The following RGS7 variants were observed in gnomAD, a reference collection of about 807,000 sequenced individuals.
RGS7 encodes the protein regulator of G protein signaling 7.
RGS7 carries 27 observed loss-of-function variants against 81.1 expected under a neutral mutation model. The observed-to-expected ratio is 0.33, with a 90% CI of 0.25 to 0.46. The LOEUF is 0.46. Ranked by LOEUF, RGS7 falls within the 20% of genes least tolerant of loss-of-function variation. RGS7 has a pLI of 1.00. For missense variants in RGS7, 396 were observed against 607.4 expected (o/e 0.65, Z 3.66); for synonymous variants, 208 against 207.7 (o/e 1.00, Z -0.01).
At chr1:240,795,128 G>A (rs2103026789) in intron 18 of RGS7, among the ~76,000 whole-genome samples, 1 of 150,834 alleles carries the variant, frequency 6.6e-6, no homozygotes, top group Admixed American at 6.6e-5. Context: ...AGGTTGCAGT[G>A]AGCCGAGATC....
chr1:241,007,762 A>G (rs1334008195), intron 3 of RGS7, among the ~76,000 whole-genome samples: 6 of 152,172 alleles, frequency 3.9e-5, no homozygotes, highest in Non-Finnish European at 7.3e-5. Flanking sequence ...TACTATAAGA[A>G]ATGAGAGAGG....
At chr1:241,309,115 G>A (rs1271257242) in intron 2 of RGS7, among the ~76,000 whole-genome samples, 2 of 152,006 alleles carry the variant, frequency 1.3e-5, no homozygotes, top group East Asian at 3.9e-4. Flanking sequence ...GTCCAGGCGC[G>A]GTGGCTCACA....
chr1:241,197,935 C>T (rs987967127), intron 2 of RGS7, among the ~76,000 whole-genome samples: 2 of 70,132 alleles, frequency 2.9e-5, no homozygotes, highest in Non-Finnish European at 6.2e-5. Context: ...CAAAATTAAA[C>T]ATTATCTATC....
At chr1:241,352,012 G>A (rs1181323126) in intron 2 of RGS7, among the ~76,000 whole-genome samples, 2 of 152,146 alleles carry the variant, frequency 1.3e-5, no homozygotes, top group Non-Finnish European at 2.9e-5. Context: ...GTCAGCTGCT[G>A]GACTGAAAGT....
intron 4 of RGS7, among the ~76,000 whole-genome samples, chr1:240,965,127 C>A (rs1338900704): frequency 6.6e-6 from 1 of 152,132 alleles, no homozygotes; most frequent in Admixed American, 6.5e-5. Context: ...ATGTTTATGG[C>A]CCTATTTTCT....
chr1:241,129,734 G>C (rs950765964), intron 2 of RGS7, among the ~76,000 whole-genome samples: 3 of 152,136 alleles, frequency 2.0e-5, no homozygotes, highest in Non-Finnish European at 4.4e-5. Context: ...CCAGAAATCA[G>C]TAGGTATAGG....
intron 12 of RGS7, among the ~76,000 whole-genome samples, chr1:240,813,952 G>A (rs1361748): frequency 0.46 from 69,803 of 151,966 alleles, 18,037 homozygotes; most frequent in Non-Finnish European, 0.58. Context: ...CCATGCCTAA[G>A]CCATGTAAAT....
intron 2 of RGS7, among the ~76,000 whole-genome samples, chr1:241,114,604 T>TA (rs1485951675): frequency 6.6e-6 from 1 of 152,232 alleles, no homozygotes; most frequent in African/African-American, 2.4e-5. Flanking sequence ...CCAGTTCTAA[T>TA]ATTCTGTGAC....
At chr1:240,887,231 T>TGTTGTTGTTGTTGTTGCTG (rs775517010) in intron 6 of RGS7, among the ~76,000 whole-genome samples, 44 of 147,626 alleles carry the variant, frequency 3.0e-4, no homozygotes, top group African/African-American at 1.1e-3. Flanking sequence ...TATAGGTTTT[T>TGTTGTTGTTGTTGTTGCTG]TTTTTTTTTT....
intron 14 of RGS7, among the ~76,000 whole-genome samples, chr1:240,806,711 AGAG>A (rs1256742174): frequency 6.6e-6 from 1 of 152,124 alleles, no homozygotes; most frequent in African/African-American, 2.4e-5. Context: ...TTGAAAACAA[AGAG>A]GAGTTTGAAG....
At chr1:240,866,339 G>A (rs963767097) in intron 9 of RGS7, among the ~76,000 whole-genome samples, 1 of 152,026 alleles carries the variant, frequency 6.6e-6, no homozygotes, top group Non-Finnish European at 1.5e-5. Context: ...GTGAAACCCC[G>A]TCTCTACTAA....
intron 3 of RGS7, among the ~76,000 whole-genome samples, chr1:241,085,319 G>C (rs1023306813): frequency 1.2e-4 from 18 of 152,164 alleles, no homozygotes; most frequent in Admixed American, 1.1e-3. Flanking sequence ...TGGATAGGCT[G>C]GGGGCAGTGG....
At chr1:241,191,340 T>C (rs1474310482) in intron 2 of RGS7, among the ~76,000 whole-genome samples, 1 of 152,194 alleles carries the variant, frequency 6.6e-6, no homozygotes, top group Non-Finnish European at 1.5e-5. Flanking sequence ...TTTTTTTAAA[T>C]GCTTTTTCTG....
At chr1:241,177,205 G>C (rs542048295) in intron 2 of RGS7, among the ~76,000 whole-genome samples, 1 of 152,202 alleles carries the variant, frequency 6.6e-6, no homozygotes, top group African/African-American at 2.4e-5. Flanking sequence ...CAGAGCAGTA[G>C]GCTACTCCAC....
intron 6 of RGS7, among the ~76,000 whole-genome samples, chr1:240,906,597 T>C (rs1670857846): frequency 6.6e-6 from 1 of 152,232 alleles, no homozygotes. Context: ...ACCTGTGGTA[T>C]AGCACTGGAC....
At chr1:240,882,458 G>A (rs261836) in intron 6 of RGS7, among the ~76,000 whole-genome samples, 2,917 of 152,210 alleles carry the variant, frequency 0.019, 89 homozygotes, top group African/African-American at 0.067. Context: ...ACAATCCAAG[G>A]AAGAAGCTAC....
intron 2 of RGS7, among the ~76,000 whole-genome samples, chr1:241,129,252 G>GAAAC (rs201384805): frequency 2.9e-5 from 4 of 137,156 alleles, no homozygotes; most frequent in Admixed American, 7.3e-5. Context: ...TTGGCTACTA[G>GAAAC]AAACAAACAA....
intron 3 of RGS7, among the ~76,000 whole-genome samples, chr1:241,008,015 A>C (rs1160268160): frequency 6.6e-6 from 1 of 152,238 alleles, no homozygotes; most frequent in Non-Finnish European, 1.5e-5. Context: ...TCTTGAAGCG[A>C]AAATAAAGTT....
In RGS7 at chr1:240,776,269, A is replaced by T. The variant is rs1193726243; in HGVS notation, c.*7-56T>A. ...AAGAAAATCAAGTACGATCACTGAA[A>T]ACCTGCTTAGTAGTAGCAACTATTT... On this transcript the variant is annotated intron_variant, in intron 18 of 18. Transcript: ENST00000440928. 1.7e-5 allele frequency: 23 copies of T among 1,321,422 alleles called. No homozygotes were observed. In the Admixed American group the frequency reaches 3.4e-4, roughly 19 times the overall value. 81.9% of individuals were successfully genotyped at this position (1,321,422 alleles called of 1,614,324 possible).
Sources: allele counts gnomAD v4.1 joint callset (sites outside exome capture counted in the v4.1 genomes callset), GRCh38; gene constraint gnomAD v4.1.1; transcripts MANE v1.5; gene names NCBI Gene and HGNC (gene_info 2026-07-23, HGNC 2026-07-21).